The following LZTFL1 variants were observed in gnomAD, a reference collection of about 807,000 sequenced individuals.
LZTFL1 encodes leucine zipper transcription factor like 1.
A neutral mutation model predicts 45.9 loss-of-function variants in LZTFL1; 25 were observed. The observed-to-expected ratio is 0.54, with a 90% CI of 0.40 to 0.76. The LOEUF is 0.76. LZTFL1 is among the 30% of genes least tolerant of loss of function. The pLI is 0.00. For missense variants in LZTFL1, 277 were observed against 331.1 expected, an observed-to-expected ratio of 0.84 and a Z score of 1.27; for synonymous variants, 93 against 117.4, an observed-to-expected ratio of 0.79 and a Z score of 1.35.
chr3:45,906,880 G>A (rs978268247), intron 2 of LZTFL1, among the ~76,000 whole-genome samples: 1 of 152,116 alleles, frequency 6.6e-6, no homozygotes, highest in Admixed American at 6.5e-5. Flanking sequence ...CCATTCCCCT[G>A]CCTCTCCCAT....
intron 3 of LZTFL1, chr3:45,834,561 A>G (rs1700915106): frequency 3.5e-6 from 1 of 283,410 alleles, no homozygotes; most frequent in Non-Finnish European, 6.6e-6. Context: ...CCATAATGTT[A>G]ATACAAATAT....
At chr3:45,845,685 C>G (rs1290033124), upstream of LZTFL1, among the ~76,000 whole-genome samples, 2 of 152,208 alleles carry the variant, frequency 1.3e-5, no homozygotes, top group Non-Finnish European at 2.9e-5. Context: ...GTGGTCTTCA[C>G]TAAATGTTTC....
intron 2 of LZTFL1, among the ~76,000 whole-genome samples, chr3:45,907,794 T>G (rs1176671447): frequency 6.6e-6 from 1 of 152,200 alleles, no homozygotes; most frequent in East Asian, 1.9e-4. Context: ...CTCCTATGTT[T>G]GGACCCTCAG....
At chr3:45,859,233 C>A (rs932387041) in intron 2 of LZTFL1, among the ~76,000 whole-genome samples, 1 of 152,170 alleles carries the variant, frequency 6.6e-6, no homozygotes, top group Non-Finnish European at 1.5e-5. Flanking sequence ...ATATTCTACT[C>A]CATTCATATC....
chr3:45,898,598 A>T (rs1159908231), intron 2 of LZTFL1, among the ~76,000 whole-genome samples: 1 of 152,204 alleles, frequency 6.6e-6, no homozygotes, highest in African/African-American at 2.4e-5. Context: ...CACATATTGG[A>T]GATGGAGTCA....
chr3:45,879,109 CA>C (rs1701805030), intron 2 of LZTFL1, among the ~76,000 whole-genome samples: 1 of 152,168 alleles, frequency 6.6e-6, no homozygotes, highest in Non-Finnish European at 1.5e-5. Context: ...CAGCTTCTTA[CA>C]AAACTAAACA....
chr3:45,895,123 G>T, intron 2 of LZTFL1: 1 of 708,158 alleles, frequency 1.4e-6, no homozygotes, highest in Non-Finnish European at 2.5e-6. Context: ...CCAGCACAGA[G>T]GGTTTTGCAA....
Position 45,900,709 on chromosome 3 carries a change from G to A in LZTFL1, c.-215+12411C>T, listed in dbSNP as rs1204018063. The A allele has an allele frequency of 8.5e-7, 1 of 1,172,072 alleles. No individual in the cohort carries two copies. Among genetic ancestry groups the A allele is most frequent in the Non-Finnish European group, 1.2e-6 (1 of 829,084 alleles). The allele number at this position is 1,172,072 out of a possible 1,614,324, so 72.6% of individuals were successfully genotyped here. On this transcript the variant is annotated intron_variant, in intron 2 of 4. Transcript: ENST00000472635. The surrounding 1 kb of genome is among the most constrained non-coding windows in gnomAD (Gnocchi z 4.7). Reference sequence around the variant, plus strand: ...CTATGTGTCTTTGGCCTTATCATAGGTGTTTGGGGTTGGAAGGGTCAAGAG... The same window carrying A: ...CTATGTGTCTTTGGCCTTATCATAGATGTTTGGGGTTGGAAGGGTCAAGAG...
At chr3:45,830,038 C>A (rs1481818960) in intron 7 of LZTFL1, among the ~76,000 whole-genome samples, 1 of 152,174 alleles carries the variant, frequency 6.6e-6, no homozygotes, top group African/African-American at 2.4e-5. Flanking sequence ...TGAAACCAGA[C>A]TGGCCATGCA....
intron 2 of LZTFL1, among the ~76,000 whole-genome samples, chr3:45,895,777 C>T (rs1323971280): frequency 6.6e-6 from 1 of 151,296 alleles, no homozygotes; most frequent in Non-Finnish European, 1.5e-5. Context: ...TCTTTTACAG[C>T]CGAATGTAAT....
intron 5 of LZTFL1, 192 bp downstream of exon 5, chr3:45,832,858 G>C (rs1279291952): frequency 2.0e-6 from 1 of 496,324 alleles, no homozygotes; most frequent in Non-Finnish European, 3.6e-6. Context: ...GGTGTGATCA[G>C]GAGCTACTTC....
In LZTFL1 at chr3:45,826,172, G is replaced by T. The variant is rs879159170; in HGVS notation, c.*142C>A. The T allele has an allele frequency of 2.8e-6, 2 of 720,490 alleles. No homozygotes were observed. Among genetic ancestry groups the T allele is most frequent in the Admixed American group, 2.5e-5 (1 of 39,814 alleles). The allele number at this position is 720,490 out of a possible 1,614,324, so 44.6% of individuals were successfully genotyped here. ...TCTGTTTTCAACTAGCTGAAAATAG[G>T]AACTCTAGTTCTAAATATTCAAAGT... On this transcript the variant is annotated 3_prime_UTR_variant, in exon 10 of 10. Coordinates refer to ENST00000296135, the MANE Select transcript of LZTFL1 (RefSeq NM_020347.4).
At chr3:45,859,770 G>A (rs1326743923) in intron 2 of LZTFL1, among the ~76,000 whole-genome samples, 1 of 151,338 alleles carries the variant, frequency 6.6e-6, no homozygotes, top group Non-Finnish European at 1.5e-5. Flanking sequence ...CCAAGTAGCT[G>A]GGATTACAGG....
intron 2 of LZTFL1, among the ~76,000 whole-genome samples, chr3:45,871,272 A>T (rs550671144): frequency 6.6e-6 from 1 of 152,314 alleles, no homozygotes; most frequent in African/African-American, 2.4e-5. Flanking sequence ...CTTAGCAGAT[A>T]TTGCTGTCAT....
intron 2 of LZTFL1, among the ~76,000 whole-genome samples, chr3:45,869,735 C>A (rs1405262857): frequency 6.6e-6 from 1 of 152,138 alleles, no homozygotes; most frequent in East Asian, 1.9e-4. Flanking sequence ...GCCATAAAAT[C>A]CCCATCTTAT....
intron 2 of LZTFL1, among the ~76,000 whole-genome samples, chr3:45,887,852 C>T (rs1156580683): frequency 6.6e-6 from 1 of 152,186 alleles, no homozygotes; most frequent in Non-Finnish European, 1.5e-5. Context: ...CTCAGAGACC[C>T]TGCCTCGTGT....
intron 2 of LZTFL1, among the ~76,000 whole-genome samples, chr3:45,880,288 G>A (rs996864804): frequency 1.3e-5 from 2 of 152,182 alleles, no homozygotes; most frequent in African/African-American, 4.8e-5. Context: ...CGGATCACGA[G>A]GTCAGGAGTT....
At chr3:45,846,722 T>C (rs910169659), upstream of LZTFL1, among the ~76,000 whole-genome samples, 6 of 151,366 alleles carry the variant, frequency 4.0e-5, no homozygotes, top group African/African-American at 1.2e-4. Context: ...TTTGAATAGG[T>C]TGAGGAGGAG....
At chr3:45,841,820 G>A (rs377216297) in intron 1 of LZTFL1, 169 bp downstream of exon 1, 3 of 838,392 alleles carry the variant, frequency 3.6e-6, no homozygotes, top group African/African-American at 1.7e-5. Flanking sequence ...CTTGGGCTGC[G>A]GTTAACCGAA....
Sources: gnomAD v4.1 joint callset for allele counts (sites outside exome capture counted in the v4.1 genomes callset) on GRCh38, gnomAD v4.1.1 for gene constraint, Gnocchi (gnomAD v3.1) non-coding constraint, MANE v1.5 for transcripts, NCBI Gene and HGNC (gene_info 2026-07-23, HGNC 2026-07-21) for gene names.